Variants in MDGA1 observed in about 807,000 individuals in gnomAD.
The protein encoded by MDGA1 is MAM domain-containing glycosylphosphatidylinositol anchor protein 1.
A neutral mutation model predicts 101.5 loss-of-function variants in MDGA1; 54 were observed. The observed-to-expected ratio is 0.53, with a 90% CI of 0.43 to 0.67. MDGA1 has a LOEUF of 0.67. Among genes scored for constraint, MDGA1 ranks in the 30% least tolerant of loss-of-function variants. The probability of loss-of-function intolerance (pLI) is 0.00; values close to 1 mark genes in which losing one functional copy is unlikely to be tolerated. For synonymous variants in MDGA1, 533 were observed against 558.3 expected, an observed-to-expected ratio of 0.95 and a Z score of 0.64; for missense variants, 1,083 against 1,323.8, an observed-to-expected ratio of 0.82 and a Z score of 2.82.
Position 37,638,287 on chromosome 6 carries a change from C to A in MDGA1, c.2694G>T (p.Pro898=), listed in dbSNP as rs201158201. 525 of 1,611,886 alleles carry A rather than the reference C, an allele frequency of 3.3e-4. 3 individuals carry two copies. In the African/African-American group the frequency reaches 6.2e-3, roughly 19 times the overall value. ...FQIIFEGVRG[P]GYLGDIAIDD... is the part of the protein sequence containing the mutation. ...CTATGGCAATATCCCCCAGGTAGCC[C>A]GGGCCTCGAACCCCCTCAAAAATAA... The change falls in exon 16 of 17, where the codon CCG becomes CCT. Residue 898 remains proline, a synonymous_variant. Coordinates refer to ENST00000434837, the MANE Select transcript of MDGA1 (RefSeq NM_153487.4). This position sits in a 1 kb window ranked among gnomAD's most constrained non-coding sequence, Gnocchi z 4.8.
In MDGA1 at chr6:37,643,679, AG is replaced by A. The variant is rs1056334954; in HGVS notation, c.2536+129del. ...CCAATTCTCTGTGCAGACCCGTCCA[AG>A]GACCTCTCATTTAGCCAAGTGGGGA... On this transcript the variant is annotated intron_variant, in intron 14 of 16. Coordinates refer to ENST00000434837, the MANE Select transcript of MDGA1 (RefSeq NM_153487.4). 3.5e-5 allele frequency: 46 copies of A among 1,306,534 alleles called. No individual in the cohort carries two copies. In the Admixed American group the frequency reaches 9.8e-4, roughly 28 times the overall value. 80.9% of individuals were successfully genotyped at this position (1,306,534 alleles called of 1,614,324 possible).
rs1257871766 is a variant in MDGA1, at chr6:37,633,806, G to A, written c.*3562C>T. The A allele has an allele frequency of 5.9e-5, 9 of 152,458 alleles. No individual in the cohort carries two copies. Among genetic ancestry groups the A allele is most frequent in the East Asian group, 1.9e-4 (1 of 5,186 alleles). 9.4% of individuals were successfully genotyped at this position (152,458 alleles called of 1,614,324 possible). A position where few individuals can be genotyped will look rare whatever the true frequency, so the allele number is the denominator to read the frequency against. On this transcript the variant is annotated 3_prime_UTR_variant, in exon 17 of 17. Coordinates refer to ENST00000434837, the MANE Select transcript of MDGA1 (RefSeq NM_153487.4). The stretch of plus-strand genomic sequence containing the variant: ...GGAGACCTCAGGGGCAGTGACAAGC[G>A]GTGTGACACCCCCAGGGCTGTAGTA...
At chr6:37,690,955 G>C (rs939136812) in intron 1 of MDGA1, among the ~76,000 whole-genome samples, 1 of 151,836 alleles carries the variant, frequency 6.6e-6, no homozygotes, top group African/African-American at 2.4e-5. Flanking sequence ...ACTTCTATTT[G>C]TCAAGGCCAG....
rs1382491055 is a variant in MDGA1 at position 37,654,350 on chromosome 6, G to A, written c.906C>T (p.Asp302=). Residue 302 remains aspartate (D), a synonymous_variant, in exon 6 of 17, where the codon GAC becomes GAT. Transcript: ENST00000434837. ...TLSIPSVQAR[D]SGYYNCTATN... is the part of the protein sequence containing the mutation. Reference sequence around the variant, plus strand: ...TGGCTGTGCAGTTGTAGTAGCCAGAGTCCCGGGCCTGCACTGAAGGGATGC... The same window carrying A: ...TGGCTGTGCAGTTGTAGTAGCCAGAATCCCGGGCCTGCACTGAAGGGATGC... The A allele has an allele frequency of 5.6e-6, 9 of 1,610,636 alleles. No homozygotes were observed. Among genetic ancestry groups the A allele is most frequent in the Non-Finnish European group, 7.6e-6 (9 of 1,178,096 alleles).
intron 1 of MDGA1, among the ~76,000 whole-genome samples, chr6:37,683,290 G>A (rs1762133408): frequency 6.6e-6 from 1 of 152,206 alleles, no homozygotes; most frequent in Non-Finnish European, 1.5e-5. Flanking sequence ...CAGTGAGCAG[G>A]TCTGGTGGCT....
chr6:37,652,968 G>A lies in MDGA1; in HGVS notation c.983-628C>T, dbSNP rs989049905. Among the ~76,000 whole-genome samples the A allele has an allele frequency of 1.3e-5, 2 of 152,140 alleles. No homozygotes were observed. Among genetic ancestry groups the A allele is most frequent in the Non-Finnish European group, 2.9e-5 (2 of 68,032 alleles). On this transcript the variant is annotated intron_variant, in intron 6 of 16. Transcript: ENST00000434837. This position sits in a 1 kb window ranked among gnomAD's most constrained non-coding sequence, Gnocchi z 4.3. ...AGTGAGTGTAATTTTTGTAATAAGAGACCAATACGATCACTTTACATGCAA... is the reference window on the plus strand; with the variant it reads ...AGTGAGTGTAATTTTTGTAATAAGAAACCAATACGATCACTTTACATGCAA...
Position 37,638,525 on chromosome 6 carries a change from C to T in MDGA1, c.2667+12G>A. ...GAAGCCGGGGAGGGTCCTCTGGGCC[C>T]TACGGACTCACCTGGAAGGGCCCAC... On this transcript the variant is annotated intron_variant, in intron 15 of 16. Transcript: ENST00000434837. This position sits in a 1 kb window ranked among gnomAD's most constrained non-coding sequence, Gnocchi z 4.8. 1 of 1,613,658 alleles carries T rather than the reference C, an allele frequency of 6.2e-7. No homozygotes were observed.
intron 1 of MDGA1, among the ~76,000 whole-genome samples, chr6:37,676,646 C>A (rs1311920227): frequency 9.0e-6 from 1 of 111,278 alleles, no homozygotes; most frequent in Non-Finnish European, 1.7e-5. Context: ...TGCTTGTAAT[C>A]CCAGCACTTT....
intron 1 of MDGA1, among the ~76,000 whole-genome samples, chr6:37,669,482 C>T (rs571005828): frequency 6.6e-6 from 1 of 152,278 alleles, no homozygotes; most frequent in East Asian, 1.9e-4. Flanking sequence ...TGAGTCCTCA[C>T]TAGTAGTACA....
chr6:37,637,923 G>A (rs947540595), intron 16 of MDGA1: 2 of 554,616 alleles, frequency 3.6e-6, no homozygotes, highest in Non-Finnish European at 6.3e-6. Flanking sequence ...CCAGAGGTAC[G>A]CACAGATGTA....
At chr6:37,686,373 G>C (rs1762197380) in intron 1 of MDGA1, among the ~76,000 whole-genome samples, 1 of 150,610 alleles carries the variant, frequency 6.6e-6, no homozygotes. Flanking sequence ...TTTTAATGCA[G>C]ATGACTGGTT....
intron 9 of MDGA1, chr6:37,648,563 T>G: frequency 1.4e-5 from 3 of 210,824 alleles, no homozygotes; most frequent in Admixed American, 5.5e-5. Flanking sequence ...TAGGCCTGGT[T>G]TGGGTGCTGG....
In MDGA1 at chr6:37,635,432, G is replaced by T. The variant is rs1020430627; in HGVS notation, c.*1936C>A. 2 of 398,628 alleles carry T rather than the reference G, an allele frequency of 5.0e-6. No individual in the cohort carries two copies. The allele number at this position is 398,628 out of a possible 1,614,324, so 24.7% of individuals were successfully genotyped here. A position where few individuals can be genotyped will look rare whatever the true frequency, so the allele number is the denominator to read the frequency against. Reference sequence around the variant, plus strand: ...GGAACAATACCCGACAGACGCGATGGAAGTGTATGCTGAGAACCTGGAGCG... The same window carrying T: ...GGAACAATACCCGACAGACGCGATGTAAGTGTATGCTGAGAACCTGGAGCG... On this transcript the variant is annotated 3_prime_UTR_variant, in exon 17 of 17. Transcript: ENST00000434837.
chr6:37,672,503 CT>C (rs1379755081), intron 1 of MDGA1, among the ~76,000 whole-genome samples: 1 of 152,186 alleles, frequency 6.6e-6, no homozygotes, highest in African/African-American at 2.4e-5. Context: ...CTTCTGGCTC[CT>C]TCAGGGAAAG....
At chr6:37,648,884 C>T (rs1761282920) in intron 9 of MDGA1, 98 bp downstream of exon 9, 2 of 1,447,856 alleles carry the variant, frequency 1.4e-6, no homozygotes, top group Non-Finnish European at 9.0e-7. Flanking sequence ...AGGGGGCCAG[C>T]AGGCCCACCC....
At chr6:37,690,544 T>C (rs4714097) in intron 1 of MDGA1, among the ~76,000 whole-genome samples, 79,815 of 151,234 alleles carry the variant, frequency 0.53, 22,712 homozygotes, top group African/African-American at 0.76. Context: ...TTTGGGAGGC[T>C]GAGGCAGGCA....
At chr6:37,676,970 T>G (rs892177148) in intron 1 of MDGA1, among the ~76,000 whole-genome samples, 1 of 151,072 alleles carries the variant, frequency 6.6e-6, no homozygotes, top group Non-Finnish European at 1.5e-5. Flanking sequence ...ACTCCAGCAC[T>G]TAACTTGCCT....
intron 1 of MDGA1, among the ~76,000 whole-genome samples, chr6:37,670,383 C>T (rs1195014802): frequency 2.6e-5 from 4 of 152,124 alleles, no homozygotes; most frequent in Non-Finnish European, 5.9e-5. Flanking sequence ...AAAATTCATG[C>T]TGAGGGCTGT....
At chr6:37,676,598 T>C (rs1444725335) in intron 1 of MDGA1, among the ~76,000 whole-genome samples, 1 of 152,054 alleles carries the variant, frequency 6.6e-6, no homozygotes, top group South Asian at 2.1e-4. Flanking sequence ...CAGAGTGCAG[T>C]AGAAAAGCAA....
Sources: gnomAD v4.1 joint callset for allele counts (sites outside exome capture counted in the v4.1 genomes callset) on GRCh38, gnomAD v4.1.1 for gene constraint, Gnocchi (gnomAD v3.1) non-coding constraint, MANE v1.5 for transcripts, NCBI Gene and HGNC (gene_info 2026-07-23, HGNC 2026-07-21) for gene names.